Variants in LINGO2 observed in about 807,000 individuals in gnomAD.
The protein encoded by LINGO2 is leucine-rich repeat and immunoglobulin-like domain-containing nogo receptor-interacting protein 2.
LINGO2 carries 14 observed loss-of-function variants against 30.6 expected under a neutral mutation model. That is an observed-to-expected ratio of 0.46 (90% CI 0.30 to 0.72). The LOEUF is 0.72. Among genes scored for constraint, LINGO2 ranks in the 30% least tolerant of loss-of-function variants. LINGO2 has a pLI of 0.07. For missense variants in LINGO2, 729 were observed against 751.7 expected, an observed-to-expected ratio of 0.97 and a Z score of 0.35; for synonymous variants, 317 against 288.5, an observed-to-expected ratio of 1.10 and a Z score of -1.00.
At chr9:28,684,999 T>G in the LINGO2 span, among the ~76,000 whole-genome samples, 2 of 152,118 alleles carry the variant, frequency 1.3e-5, no homozygotes, top group Non-Finnish European at 2.9e-5. Flanking sequence ...CACCCTCAAG[T>G]AGGCCCCAGT....
At chr9:28,050,702 C>A (rs1255191871) in intron 4 of LINGO2, among the ~76,000 whole-genome samples, 1 of 150,850 alleles carries the variant, frequency 6.6e-6, no homozygotes, top group South Asian at 2.1e-4. Context: ...TGTAGAAGAG[C>A]CCAGGCATTC....
At chr9:29,077,353 T>G in the LINGO2 span, among the ~76,000 whole-genome samples, 7 of 152,060 alleles carry the variant, frequency 4.6e-5, no homozygotes, top group Admixed American at 2.6e-4. Context: ...TTTTGAAATG[T>G]GCTGCATGCA....
the LINGO2 span, among the ~76,000 whole-genome samples, chr9:29,065,541 C>T: frequency 6.6e-6 from 1 of 151,930 alleles, no homozygotes; most frequent in Non-Finnish European, 1.5e-5. Context: ...TCCCCCATTG[C>T]TTGTTATTGT....
At chr9:28,759,954 T>C in the LINGO2 span, among the ~76,000 whole-genome samples, 1 of 152,048 alleles carries the variant, frequency 6.6e-6, no homozygotes, top group Non-Finnish European at 1.5e-5. Context: ...CTTTCCCTGA[T>C]AGATCCAAGA....
intron 4 of LINGO2, among the ~76,000 whole-genome samples, chr9:28,155,071 T>A (rs985676211): frequency 1.3e-5 from 2 of 152,230 alleles, no homozygotes; most frequent in Admixed American, 6.5e-5. Context: ...CAAATCTTTC[T>A]GAGAGCATTA....
At position 28,658,323 on chromosome 9, in the gene LINGO2, T is replaced by C. The variant is rs146496036; in HGVS notation, c.-365+11877A>G. ...ATCTGGCTGGCTGTTCTATCCATTA[T>C]TGAAAGTGGAAAATTCAAGTCTCCT... is the stretch of plus-strand genomic sequence containing the variant. On this transcript the variant is annotated intron_variant, in intron 1 of 5. Transcript: ENST00000379992. Among the ~76,000 whole-genome samples the C allele has an allele frequency of 9.5e-4, 144 of 152,158 alleles. 2 individuals carry two copies. Among genetic ancestry groups the C allele is most frequent in the Non-Finnish European group, 5.9e-5 (4 of 67,962 alleles).
the LINGO2 span, among the ~76,000 whole-genome samples, chr9:29,212,459 C>G: frequency 2.0e-5 from 3 of 151,948 alleles, no homozygotes; most frequent in Middle Eastern, 3.2e-3. Context: ...CGCGCGCCCC[C>G]GAGTCCGCAG....
chr9:28,549,096 T>G (rs1250368431), intron 1 of LINGO2, among the ~76,000 whole-genome samples: 1 of 152,118 alleles, frequency 6.6e-6, no homozygotes, highest in African/African-American at 2.4e-5. Flanking sequence ...TTGCTTCAGA[T>G]GTAATAAAAC....
At chr9:28,282,751 G>A (rs755682840) in intron 4 of LINGO2, among the ~76,000 whole-genome samples, 5 of 151,950 alleles carry the variant, frequency 3.3e-5, no homozygotes, top group Non-Finnish European at 5.9e-5. Flanking sequence ...TCTACAAGTC[G>A]GAATTCTTGG....
chr9:28,048,533 CCATTT>C (rs1451555377), intron 4 of LINGO2, among the ~76,000 whole-genome samples: 1 of 150,578 alleles, frequency 6.6e-6, no homozygotes, highest in Non-Finnish European at 1.5e-5. Context: ...AGTAAGGAAT[CCATTT>C]ATTTATTTAT....
intron 1 of LINGO2, among the ~76,000 whole-genome samples, chr9:28,527,398 G>C (rs1038796535): frequency 2.6e-5 from 4 of 152,088 alleles, no homozygotes; most frequent in African/African-American, 9.7e-5. Flanking sequence ...GGGATGCAGA[G>C]GTAAAGAAAA....
At chr9:29,131,473 T>A in the LINGO2 span, among the ~76,000 whole-genome samples, 1 of 152,008 alleles carries the variant, frequency 6.6e-6, no homozygotes, top group African/African-American at 2.4e-5. Context: ...TATACTGCCA[T>A]CCCAATCCCC....
chr9:29,114,380 T>TTTATTATTA, the LINGO2 span, among the ~76,000 whole-genome samples: 87 of 143,316 alleles, frequency 6.1e-4, no homozygotes, highest in African/African-American at 9.4e-4. Context: ...ATTTTTTTCT[T>TTTATTATTA]TTATTATTAT....
the LINGO2 span, among the ~76,000 whole-genome samples, chr9:29,126,782 G>T: frequency 6.6e-6 from 1 of 152,078 alleles, no homozygotes; most frequent in East Asian, 1.9e-4. Flanking sequence ...TCTGAGGCAG[G>T]AGAATAGGAT....
intron 1 of LINGO2, among the ~76,000 whole-genome samples, chr9:28,504,408 T>C (rs1382069589): frequency 6.6e-6 from 1 of 151,578 alleles, no homozygotes; most frequent in Non-Finnish European, 1.5e-5. Context: ...CGTGGCATAA[T>C]GCTTCACAAG....
At chr9:28,333,280 A>T (rs1564129211) in intron 3 of LINGO2, among the ~76,000 whole-genome samples, 1 of 152,338 alleles carries the variant, frequency 6.6e-6, no homozygotes, top group East Asian at 1.9e-4. Context: ...TCAATAAAAA[A>T]TATCTACAGT....
intron 4 of LINGO2, among the ~76,000 whole-genome samples, chr9:28,165,732 T>C (rs1424837772): frequency 6.6e-6 from 1 of 152,214 alleles, no homozygotes; most frequent in African/African-American, 2.4e-5. Context: ...TCAATTATTT[T>C]AGTTAGTTTC....
At chr9:28,570,585 G>A (rs866902238) in intron 1 of LINGO2, among the ~76,000 whole-genome samples, 1 of 149,662 alleles carries the variant, frequency 6.7e-6, no homozygotes, top group Non-Finnish European at 1.5e-5. Flanking sequence ...TAAGAATAAA[G>A]CCAAGGTCAC....
At chr9:28,064,899 A>G (rs1825266009) in intron 4 of LINGO2, among the ~76,000 whole-genome samples, 1 of 151,840 alleles carries the variant, frequency 6.6e-6, no homozygotes, top group Non-Finnish European at 1.5e-5. Flanking sequence ...ATAGACCTAA[A>G]CCATAGAACA....
Sources: allele counts gnomAD v4.1 joint callset (sites outside exome capture counted in the v4.1 genomes callset), GRCh38; gene constraint gnomAD v4.1.1; transcripts MANE v1.5; gene names NCBI Gene and HGNC (gene_info 2026-07-23, HGNC 2026-07-21).